ANO10: variants seen among roughly 807,000 people sequenced by gnomAD.
The protein encoded by ANO10 is anoctamin 10, also known as anoctamin-10.
In ANO10, 77 loss-of-function variants were observed where a neutral mutation model predicts 74.7. That is an observed-to-expected ratio of 1.03 (90% CI 0.86 to 1.25). The LOEUF is 1.25. Among genes scored for constraint, ANO10 ranks in the 50% most tolerant of loss-of-function variants. The pLI is 0.00. For missense variants in ANO10, 721 were observed against 778.1 expected, an observed-to-expected ratio of 0.93 and a Z score of 0.87; for synonymous variants, 279 against 284.9, an observed-to-expected ratio of 0.98 and a Z score of 0.21.
At chr3:43,551,483 C>T (rs2079455761) in intron 10 of ANO10, 3 of 456,860 alleles carry the variant, frequency 6.6e-6, no homozygotes, top group South Asian at 1.5e-5. Context: ...TGTGAAACCA[C>T]CACCACCACA....
chr3:43,684,795 G>A (rs1264751293), intron 1 of ANO10, among the ~76,000 whole-genome samples: 1 of 152,104 alleles, frequency 6.6e-6, no homozygotes, highest in African/African-American at 2.4e-5. Flanking sequence ...CATGGATGAA[G>A]CTGGAAACCA....
chr3:43,582,307 C>T (rs564715232), intron 4 of ANO10, among the ~76,000 whole-genome samples: 3 of 152,016 alleles, frequency 2.0e-5, no homozygotes, highest in Non-Finnish European at 4.4e-5. Flanking sequence ...AAAAAATTAG[C>T]CGGGCGTGGT....
At chr3:43,668,301 TTGAG>T (rs978887468) in intron 1 of ANO10, among the ~76,000 whole-genome samples, 1 of 152,142 alleles carries the variant, frequency 6.6e-6, no homozygotes, top group African/African-American at 2.4e-5. Flanking sequence ...TCTTGCTGAT[TTGAG>T]TTTCTTGTAG....
chr3:43,668,874 C>T (rs946132128), intron 1 of ANO10, among the ~76,000 whole-genome samples: 1 of 151,894 alleles, frequency 6.6e-6, no homozygotes, highest in Non-Finnish European at 1.5e-5. Context: ...TTTTTATATT[C>T]CATACTTTTT....
intron 11 of ANO10, among the ~76,000 whole-genome samples, chr3:43,496,734 C>T (rs990493551): frequency 2.3e-4 from 35 of 152,098 alleles, no homozygotes; most frequent in African/African-American, 8.2e-4. Flanking sequence ...TTTCTTCCCA[C>T]CAGTTTTCTC....
At chr3:43,461,917 T>A (rs544515265) in intron 11 of ANO10, among the ~76,000 whole-genome samples, 2 of 152,176 alleles carry the variant, frequency 1.3e-5, no homozygotes, top group East Asian at 3.9e-4. Flanking sequence ...TAGAAGATGA[T>A]AGGAAAATGT....
chr3:43,590,052 T>C (rs1015730079), intron 4 of ANO10, among the ~76,000 whole-genome samples: 2 of 152,182 alleles, frequency 1.3e-5, no homozygotes, highest in African/African-American at 4.8e-5. Flanking sequence ...TTTTGTACTA[T>C]TTGAATTTTC....
intron 8 of ANO10, among the ~76,000 whole-genome samples, chr3:43,565,339 G>A (rs2080259078): frequency 1.3e-5 from 2 of 152,046 alleles, no homozygotes; most frequent in African/African-American, 4.8e-5. Context: ...CCCATCCAAG[G>A]CACACAAAAC....
At chr3:43,671,314 TG>T (rs2084056501) in intron 1 of ANO10, among the ~76,000 whole-genome samples, 1 of 152,160 alleles carries the variant, frequency 6.6e-6, no homozygotes, top group Admixed American at 6.5e-5. Context: ...TTATACTCCA[TG>T]TAAGACAGGA....
intron 1 of ANO10, among the ~76,000 whole-genome samples, chr3:43,634,975 C>G (rs1466134518): frequency 1.3e-5 from 2 of 151,988 alleles, no homozygotes; most frequent in Non-Finnish European, 2.9e-5. Context: ...AGAAGGAAGA[C>G]ATGAGCAGAT....
chr3:43,484,971 C>T (rs2076412232), intron 11 of ANO10: 1 of 1,361,934 alleles, frequency 7.3e-7, no homozygotes, highest in East Asian at 2.5e-5. Context: ...GGGCCCTGCA[C>T]CTAGAAGAAG....
chr3:43,452,934 T>C (rs541378966), intron 11 of ANO10, among the ~76,000 whole-genome samples: 32 of 152,344 alleles, frequency 2.1e-4, no homozygotes, highest in Admixed American at 1.8e-3. Flanking sequence ...TGATGGCTAA[T>C]GATGTAAATA....
At chr3:43,671,683 C>A (rs893976873) in intron 1 of ANO10, among the ~76,000 whole-genome samples, 2 of 151,962 alleles carry the variant, frequency 1.3e-5, no homozygotes, top group Non-Finnish European at 2.9e-5. Flanking sequence ...AAAGAACACA[C>A]ATATATACAA....
At chr3:43,566,289 A>T (rs577597647) in intron 7 of ANO10, among the ~76,000 whole-genome samples, 1 of 152,362 alleles carries the variant, frequency 6.6e-6, no homozygotes, top group East Asian at 1.9e-4. Flanking sequence ...AGGCTTGATT[A>T]GGTAAACAAA....
At chr3:43,583,037 A>T (rs2081331010) in intron 4 of ANO10, among the ~76,000 whole-genome samples, 1 of 152,194 alleles carries the variant, frequency 6.6e-6, no homozygotes, top group Non-Finnish European at 1.5e-5. Flanking sequence ...ACTATTTCTA[A>T]GTTCTCTTTA....
At chr3:43,608,346 C>T (rs1343951257) in intron 1 of ANO10, among the ~76,000 whole-genome samples, 1 of 152,072 alleles carries the variant, frequency 6.6e-6, no homozygotes, top group East Asian at 1.9e-4. Flanking sequence ...CATTTTCAAA[C>T]ATACAAAAAT....
At chr3:43,542,339 G>A (rs920777864) in intron 11 of ANO10, among the ~76,000 whole-genome samples, 3 of 152,154 alleles carry the variant, frequency 2.0e-5, no homozygotes, top group Admixed American at 2.0e-4. Flanking sequence ...AGTAAGATCA[G>A]CAGAGAGAAG....
rs114270796 is a variant in ANO10 at position 43,390,331 on chromosome 3, A to G, written c.1915-23357T>C. On this transcript the variant is annotated intron_variant, in intron 12 of 12. Coordinates refer to ENST00000292246, the MANE Select transcript of ANO10 (RefSeq NM_018075.5). The stretch of plus-strand genomic sequence containing the variant: ...GGGAACCTTAGTGCAGAGCCACTGC[A>G]CAGGCTGTGCAGGCAGCTCTGGGAA... Among the ~76,000 whole-genome samples the G allele has an allele frequency of 2.9e-3, 439 of 152,282 alleles. 2 individuals are homozygous for G. The highest frequency in any genetic ancestry group is 7.7e-3 in the African/African-American group (321 of 41,554).
intron 1 of ANO10, among the ~76,000 whole-genome samples, chr3:43,662,410 G>T (rs2083936794): frequency 6.6e-6 from 1 of 152,168 alleles, no homozygotes; most frequent in Non-Finnish European, 1.5e-5. Context: ...TAAAGCAGCA[G>T]TGTGTAGAGG....
Sources: gnomAD v4.1 joint callset for allele counts (sites outside exome capture counted in the v4.1 genomes callset) on GRCh38, gnomAD v4.1.1 for gene constraint, MANE v1.5 for transcripts, NCBI Gene and HGNC (gene_info 2026-07-23, HGNC 2026-07-21) for gene names.